KDM4C: variants seen among roughly 807,000 people sequenced by gnomAD.
The protein encoded by KDM4C is lysine demethylase 4C, also known as lysine-specific demethylase 4C.
In KDM4C, 81 loss-of-function variants were observed where a neutral mutation model predicts 129.3. The ratio of observed to expected loss-of-function variants is 0.63; its 90% CI spans 0.52 to 0.75. The LOEUF is 0.75. Among genes scored for constraint, KDM4C ranks in the 30% least tolerant of loss-of-function variants. The pLI is 0.00. For missense variants in KDM4C, 1,457 were observed against 1,304.0 expected (o/e 1.12, Z -1.81); for synonymous variants, 573 against 456.1 (o/e 1.26, Z -3.26).
At chr9:6,807,800 G>T (rs1279158554) in intron 3 of KDM4C, among the ~76,000 whole-genome samples, 4 of 146,000 alleles carry the variant, frequency 2.7e-5, no homozygotes, top group African/African-American at 1.0e-4. Flanking sequence ...TGGGGGGGGG[G>T]TCAGCCCCCC....
At chr9:7,064,852 T>C (rs1348416657) in intron 17 of KDM4C, among the ~76,000 whole-genome samples, 1 of 152,222 alleles carries the variant, frequency 6.6e-6, no homozygotes, top group Non-Finnish European at 1.5e-5. Flanking sequence ...TGTCTTCTTC[T>C]AGGTGTCCAT....
intron 19 of KDM4C, among the ~76,000 whole-genome samples, chr9:7,142,709 A>T (rs1841870636): frequency 6.6e-6 from 1 of 152,248 alleles, no homozygotes; most frequent in Admixed American, 6.5e-5. Flanking sequence ...TGTTTTGCAT[A>T]ACATACCCAT....
At chr9:6,946,399 G>T (rs1025080228) in intron 8 of KDM4C, among the ~76,000 whole-genome samples, 13 of 151,906 alleles carry the variant, frequency 8.6e-5, no homozygotes, top group African/African-American at 2.9e-4. Flanking sequence ...CAGTAATTTT[G>T]TAATATTTCT....
intron 5 of KDM4C, among the ~76,000 whole-genome samples, chr9:6,851,834 G>A (rs913523672): frequency 1.4e-4 from 21 of 152,140 alleles, no homozygotes; most frequent in Non-Finnish European, 5.9e-5. Flanking sequence ...GTGTCTTTGG[G>A]AAAGAGCATC....
intron 1 of KDM4C, among the ~76,000 whole-genome samples, chr9:6,733,465 A>C (rs1275900915): frequency 6.6e-6 from 1 of 152,214 alleles, no homozygotes; most frequent in Non-Finnish European, 1.5e-5. Flanking sequence ...TTCACCCAGT[A>C]CTGAGAGATC....
At chr9:6,950,692 G>A (rs1299485957) in intron 8 of KDM4C, among the ~76,000 whole-genome samples, 1 of 152,204 alleles carries the variant, frequency 6.6e-6, no homozygotes, top group African/African-American at 2.4e-5. Context: ...AACGTTTATT[G>A]TAGCTGCTTA....
At chr9:6,930,513 G>A (rs1307381323) in intron 8 of KDM4C, among the ~76,000 whole-genome samples, 1 of 145,264 alleles carries the variant, frequency 6.9e-6, no homozygotes, top group African/African-American at 2.5e-5. Flanking sequence ...TCATAAATAT[G>A]TACATATATA....
intron 17 of KDM4C, among the ~76,000 whole-genome samples, chr9:7,067,857 G>A (rs922882120): frequency 5.9e-5 from 9 of 151,864 alleles, no homozygotes; most frequent in Non-Finnish European, 8.8e-5. Context: ...GTGCAGTGGT[G>A]CGATCTTGGC....
intron 12 of KDM4C, among the ~76,000 whole-genome samples, chr9:6,998,800 AAAAC>A (rs1820237824): frequency 2.0e-5 from 3 of 152,190 alleles, no homozygotes; most frequent in Non-Finnish European, 1.5e-5. Context: ...TGGTTCCAAA[AAAAC>A]AAACCAACCA....
At chr9:6,967,176 C>T (rs1020382606) in intron 8 of KDM4C, among the ~76,000 whole-genome samples, 2 of 152,188 alleles carry the variant, frequency 1.3e-5, no homozygotes, top group African/African-American at 4.8e-5. Context: ...GTAATCCCAG[C>T]ACTTGGGGAG....
At chr9:6,926,665 A>G (rs1321452165) in intron 8 of KDM4C, among the ~76,000 whole-genome samples, 1 of 152,190 alleles carries the variant, frequency 6.6e-6, no homozygotes, top group African/African-American at 2.4e-5. Context: ...AAACAAACAA[A>G]TGCCTCCAGG....
chr9:7,171,657 G>A (rs1844971398), intron 21 of KDM4C, among the ~76,000 whole-genome samples: 1 of 152,106 alleles, frequency 6.6e-6, no homozygotes, highest in Admixed American at 6.6e-5. Context: ...CACATGAGAA[G>A]AAAGCTCATT....
At chr9:7,007,765 T>G (rs962799157) in intron 12 of KDM4C, among the ~76,000 whole-genome samples, 4 of 152,238 alleles carry the variant, frequency 2.6e-5, no homozygotes, top group East Asian at 1.9e-4. Context: ...TATTGATATT[T>G]ACTTACTGGA....
At chr9:6,740,453 T>G (rs1479999195) in intron 1 of KDM4C, among the ~76,000 whole-genome samples, 2 of 152,114 alleles carry the variant, frequency 1.3e-5, no homozygotes, top group African/African-American at 4.8e-5. Flanking sequence ...TCCGCCCACC[T>G]CGGCCTCCCA....
chr9:7,122,768 T>C (rs191747298), intron 18 of KDM4C, among the ~76,000 whole-genome samples: 1 of 139,472 alleles, frequency 7.2e-6, no homozygotes, highest in Admixed American at 8.0e-5. Flanking sequence ...AAATGACGTG[T>C]ATATTTTTTT....
Position 7,169,477 on chromosome 9 carries a change from A to G in KDM4C, c.2902-321A>G, listed in dbSNP as rs549080133. On this transcript the variant is annotated intron_variant, in intron 20 of 21. Transcript: ENST00000381309. ...CAGCCTCCTGAGTAGCTGGGACTAC[A>G]GGCATGCGCCACCATGCCTGGCTAA... Among the ~76,000 whole-genome samples, 20 of 152,304 alleles carry G rather than the reference A, an allele frequency of 1.3e-4. No homozygotes were observed. The East Asian group carries it at 3.5e-3, about 26-fold the overall frequency.
At chr9:6,846,188 T>G (rs950497989) in intron 4 of KDM4C, among the ~76,000 whole-genome samples, 2 of 152,210 alleles carry the variant, frequency 1.3e-5, no homozygotes, top group Admixed American at 1.3e-4. Flanking sequence ...TTTGAAAGGA[T>G]CAGGACTAGA....
intron 4 of KDM4C, among the ~76,000 whole-genome samples, chr9:6,832,428 C>CTTTTTTTTTTTT: frequency 7.5e-6 from 1 of 133,770 alleles, no homozygotes; most frequent in Non-Finnish European, 1.6e-5. Flanking sequence ...TCTTTTTTTT[C>CTTTTTTTTTTTT]TTTTTTTTTT....
At chr9:7,161,611 A>G (rs1214936077) in intron 19 of KDM4C, among the ~76,000 whole-genome samples, 1 of 152,182 alleles carries the variant, frequency 6.6e-6, no homozygotes, top group Non-Finnish European at 1.5e-5. Flanking sequence ...CCACAGAGCC[A>G]TGGGGTTTAG....
Sources: gnomAD v4.1 joint callset for allele counts (sites outside exome capture counted in the v4.1 genomes callset) on GRCh38, gnomAD v4.1.1 for gene constraint, MANE v1.5 for transcripts, NCBI Gene and HGNC (gene_info 2026-07-23, HGNC 2026-07-21) for gene names.